Variants in GARIN2 observed in about 807,000 individuals in gnomAD.
The protein encoded by GARIN2 is Golgi-associated RAB2 interactor protein 2.
At chr14:67,208,821 C>A in the GARIN2 span, among the ~76,000 whole-genome samples, 1 of 149,814 alleles carries the variant, frequency 6.7e-6, no homozygotes, top group East Asian at 2.0e-4. Flanking sequence ...TGCTTGAACT[C>A]AGAAGGCAGA....
chr14:67,194,393 G>T, the GARIN2 span, among the ~76,000 whole-genome samples: 1 of 151,890 alleles, frequency 6.6e-6, no homozygotes. Context: ...CTAGTAAATA[G>T]TTAATGTACT....
At chr14:67,199,736 T>A in the GARIN2 span, 1 of 1,570,978 alleles carries the variant, frequency 6.4e-7, no homozygotes. Context: ...TCCTGTGGTA[T>A]CATCATTGGG....
At chr14:67,226,474 C>T in the GARIN2 span, among the ~76,000 whole-genome samples, 5 of 152,266 alleles carry the variant, frequency 3.3e-5, no homozygotes, top group Admixed American at 2.6e-4. Flanking sequence ...GATTCTCCTG[C>T]TTCAGCCTCC....
At chr14:67,195,713 T>TTG in the GARIN2 span, among the ~76,000 whole-genome samples, 9,031 of 143,110 alleles carry the variant, frequency 0.063, 267 homozygotes, top group African/African-American at 0.069. Context: ...TTCTTTTTGG[T>TTG]TGTGTGTGTG....
At chr14:67,198,238 C>G in the GARIN2 span, 2 of 1,613,878 alleles carry the variant, frequency 1.2e-6, no homozygotes, top group Non-Finnish European at 1.7e-6. Context: ...TCCCATGATC[C>G]GAGAGATCTT....
the GARIN2 span, chr14:67,201,351 T>C: frequency 2.5e-6 from 1 of 407,460 alleles, no homozygotes; most frequent in Admixed American, 3.3e-5. Context: ...TTATCTCAAA[T>C]AGAGTGAAAG....
At chr14:67,226,966 T>C in the GARIN2 span, among the ~76,000 whole-genome samples, 1 of 152,180 alleles carries the variant, frequency 6.6e-6, no homozygotes, top group East Asian at 1.9e-4. Context: ...TTCAATATAA[T>C]ATAGAATTTA....
the GARIN2 span, chr14:67,199,579 C>G: frequency 1.3e-6 from 2 of 1,595,534 alleles, no homozygotes; most frequent in Admixed American, 1.7e-5. Context: ...ACCCTATCAC[C>G]GTATCTTATG....
At chr14:67,199,386 C>G in the GARIN2 span, 7 of 1,613,828 alleles carry the variant, frequency 4.3e-6, no homozygotes, top group East Asian at 2.2e-5. Flanking sequence ...AACCTGGACC[C>G]TGAGATTGAT....
the GARIN2 span, among the ~76,000 whole-genome samples, chr14:67,225,926 A>AGTGTGTGTGTGTGT: frequency 0.045 from 6,091 of 136,538 alleles, 199 homozygotes; most frequent in Admixed American, 0.06. Context: ...TAATGCTGTG[A>AGTGTGTGTGTGTGT]GTGTGTGTGT....
the GARIN2 span, among the ~76,000 whole-genome samples, chr14:67,197,644 T>A: frequency 1.7e-3 from 266 of 152,250 alleles, 1 homozygote; most frequent in Middle Eastern, 6.8e-3. Flanking sequence ...TATGGGTGAA[T>A]AGTCTGGAAA....
chr14:67,218,162 A>T, the GARIN2 span, among the ~76,000 whole-genome samples: 1 of 152,152 alleles, frequency 6.6e-6, no homozygotes, highest in African/African-American at 2.4e-5. Flanking sequence ...ACATACACAC[A>T]GTGGGTTGGC....
the GARIN2 span, among the ~76,000 whole-genome samples, chr14:67,225,657 C>A: frequency 6.6e-6 from 1 of 152,128 alleles, no homozygotes; most frequent in Non-Finnish European, 1.5e-5. Context: ...CGTAGAGTGC[C>A]TGCAGGGCTG....
the GARIN2 span, among the ~76,000 whole-genome samples, chr14:67,191,627 T>C: frequency 2.0e-5 from 3 of 152,150 alleles, no homozygotes; most frequent in Non-Finnish European, 4.4e-5. Flanking sequence ...AACAATCCCA[T>C]ATCCGTATCT....
the GARIN2 span, among the ~76,000 whole-genome samples, chr14:67,217,205 T>A: frequency 1.3e-5 from 2 of 152,182 alleles, no homozygotes; most frequent in African/African-American, 4.8e-5. Context: ...TTCTGTTTTA[T>A]CTGATATAAA....
chr14:67,225,975 G>A, the GARIN2 span, among the ~76,000 whole-genome samples: 1 of 144,056 alleles, frequency 6.9e-6, no homozygotes, highest in Non-Finnish European at 1.5e-5. Flanking sequence ...GCGCGCGCGC[G>A]TGCGCATGCG....
chr14:67,213,610 T>C, the GARIN2 span, among the ~76,000 whole-genome samples: 4 of 152,136 alleles, frequency 2.6e-5, no homozygotes, highest in Non-Finnish European at 4.4e-5. Context: ...TTGTGAATAG[T>C]GCCACAATAA....
chr14:67,200,031 TG>T, the GARIN2 span: 1 of 938,136 alleles, frequency 1.1e-6, no homozygotes, highest in Non-Finnish European at 1.6e-6. Context: ...ATCCCCATTC[TG>T]GACACCCAGG....
the GARIN2 span, among the ~76,000 whole-genome samples, chr14:67,227,167 C>T: frequency 2.6e-5 from 4 of 152,002 alleles, no homozygotes; most frequent in African/African-American, 9.7e-5. Flanking sequence ...CCCAGCTGGG[C>T]GTGGTGGCTC....
Sources: gnomAD v4.1 joint callset for allele counts (sites outside exome capture counted in the v4.1 genomes callset) on GRCh38, gnomAD v4.1.1 for gene constraint, MANE v1.5 for transcripts, NCBI Gene and HGNC (gene_info 2026-07-23, HGNC 2026-07-21) for gene names.